MIPOL1: variants seen among roughly 807,000 people sequenced by gnomAD.
MIPOL1 encodes the protein mirror-image polydactyly 1, also known as mirror-image polydactyly gene 1 protein.
A neutral mutation model predicts 60.9 loss-of-function variants in MIPOL1; 57 were observed. The observed-to-expected ratio is 0.94, with a 90% CI of 0.76 to 1.17. The LOEUF is 1.17. Among genes scored for constraint, MIPOL1 ranks in the 50% most tolerant of loss-of-function variants. The pLI, the probability that MIPOL1 is intolerant of heterozygous loss-of-function variation, is 0.00. For synonymous variants in MIPOL1, 179 were observed against 168.8 expected (o/e 1.06, Z -0.47); for missense variants, 551 against 511.6 (o/e 1.08, Z -0.74).
At chr14:37,356,375 GC>G in intron 9 of MIPOL1, among the ~76,000 whole-genome samples, 1 of 152,104 alleles carries the variant, frequency 6.6e-6, no homozygotes, top group Non-Finnish European at 1.5e-5. Context: ...TCTGTGCCCT[GC>G]CCCCAGAGGT....
intron 4 of MIPOL1, among the ~76,000 whole-genome samples, chr14:37,267,856 G>T (rs943114814): frequency 1.3e-5 from 2 of 152,104 alleles, no homozygotes; most frequent in South Asian, 4.1e-4. Context: ...TTTTGGTTTG[G>T]GTTAGCGCTA....
At chr14:37,333,492 T>C (rs10137741) in intron 9 of MIPOL1, among the ~76,000 whole-genome samples, 113,724 of 151,938 alleles carry the variant, frequency 0.75, 42,843 homozygotes, top group East Asian at 0.86. Flanking sequence ...CTCAATTATA[T>C]ATATTGTCTG....
chr14:37,349,714 C>A (rs1280235086), intron 9 of MIPOL1, among the ~76,000 whole-genome samples: 1 of 152,118 alleles, frequency 6.6e-6, no homozygotes, highest in Non-Finnish European at 1.5e-5. Context: ...TGTTTTTCTT[C>A]AACATTTTTC....
At chr14:37,396,239 G>A (rs561727374) in intron 10 of MIPOL1, among the ~76,000 whole-genome samples, 1 of 152,022 alleles carries the variant, frequency 6.6e-6, no homozygotes, top group Non-Finnish European at 1.5e-5. Context: ...ATGATGTTTA[G>A]TTTTGCTGGA....
chr14:37,362,005 C>G (rs182960670), intron 9 of MIPOL1, among the ~76,000 whole-genome samples: 5 of 152,214 alleles, frequency 3.3e-5, no homozygotes, highest in African/African-American at 1.2e-4. Context: ...CTATGTGTGT[C>G]TCTGCATGTG....
intron 12 of MIPOL1, among the ~76,000 whole-genome samples, chr14:37,526,782 A>G (rs2095450444): frequency 6.6e-6 from 1 of 152,126 alleles, no homozygotes; most frequent in South Asian, 2.1e-4. Context: ...TGTAAGATAA[A>G]TTCCTAGAAA....
At chr14:37,499,564 T>TATTAC (rs1298092243) in intron 11 of MIPOL1, among the ~76,000 whole-genome samples, 3 of 152,208 alleles carry the variant, frequency 2.0e-5, no homozygotes, top group African/African-American at 7.2e-5. Flanking sequence ...TCTTTCAGCT[T>TATTAC]ATTACATTCT....
At chr14:37,319,049 C>T (rs1006464439) in intron 9 of MIPOL1, among the ~76,000 whole-genome samples, 3 of 151,998 alleles carry the variant, frequency 2.0e-5, no homozygotes, top group Non-Finnish European at 4.4e-5. Flanking sequence ...CCATGTTGCC[C>T]AGGCTGGTCT....
At chr14:37,446,135 C>A (rs938351514) in intron 11 of MIPOL1, among the ~76,000 whole-genome samples, 43 of 152,108 alleles carry the variant, frequency 2.8e-4, no homozygotes, top group African/African-American at 1.0e-3. Context: ...AGTGAACAGG[C>A]AACCTACAAA....
chr14:37,305,858 T>C (rs2086741206), intron 7 of MIPOL1, among the ~76,000 whole-genome samples: 1 of 151,878 alleles, frequency 6.6e-6, no homozygotes, highest in South Asian at 2.1e-4. Flanking sequence ...ATCCAAATGC[T>C]AAGTGGCTGA....
At chr14:37,204,544 G>C (rs1252543709) in intron 1 of MIPOL1, among the ~76,000 whole-genome samples, 2 of 152,052 alleles carry the variant, frequency 1.3e-5, no homozygotes, top group East Asian at 3.9e-4. Context: ...GGTTTTATAA[G>C]GGGAAACCCC....
intron 11 of MIPOL1, among the ~76,000 whole-genome samples, chr14:37,466,465 G>A (rs1039668440): frequency 4.6e-5 from 7 of 152,118 alleles, no homozygotes; most frequent in African/African-American, 1.4e-4. Context: ...TAACATATCA[G>A]TTTGATAACT....
intron 11 of MIPOL1, among the ~76,000 whole-genome samples, chr14:37,498,780 A>G (rs1393787013): frequency 6.6e-6 from 1 of 152,090 alleles, no homozygotes; most frequent in Non-Finnish European, 1.5e-5. Flanking sequence ...TTTCATATCC[A>G]TCCTAGTTCT....
At chr14:37,204,252 C>A (rs886136556) in intron 1 of MIPOL1, among the ~76,000 whole-genome samples, 5 of 152,104 alleles carry the variant, frequency 3.3e-5, no homozygotes, top group Non-Finnish European at 5.9e-5. Context: ...TGATTTTTAG[C>A]AACTGTGAGA....
intron 1 of MIPOL1, among the ~76,000 whole-genome samples, chr14:37,231,498 A>G (rs574514913): frequency 2.6e-5 from 4 of 152,186 alleles, no homozygotes; most frequent in Non-Finnish European, 5.9e-5. Flanking sequence ...ACTGATTTCT[A>G]TGGTGTGCTT....
chr14:37,250,630 AAAATC>A, intron 3 of MIPOL1, among the ~76,000 whole-genome samples: 1 of 152,162 alleles, frequency 6.6e-6, no homozygotes, highest in East Asian at 1.9e-4. Context: ...TTTAAACAGT[AAAATC>A]TCACATCGTC....
At chr14:37,268,864 C>A in intron 5 of MIPOL1, 71 bp downstream of exon 5, 1 of 1,229,862 alleles carries the variant, frequency 8.1e-7, no homozygotes, top group Non-Finnish European at 1.1e-6. Flanking sequence ...TCCTTTGTTG[C>A]CCATCATAAT....
chr14:37,548,575 T>C lies in MIPOL1; in HGVS notation c.*1604T>C, dbSNP rs2095554062. The C allele has an allele frequency of 6.6e-6, 1 of 151,984 alleles. No homozygotes were observed. Among genetic ancestry groups the C allele is most frequent in the Non-Finnish European group, 1.5e-5 (1 of 67,876 alleles). 9.4% of individuals were successfully genotyped at this position (151,984 alleles called of 1,614,324 possible). A position where few individuals can be genotyped will look rare whatever the true frequency, so the allele number is the denominator to read the frequency against. ...CATGCATGGAGTCTTGTCTCTGGGC[T>C]CTATTTGAAACGTGTAACAGCTCCC... On this transcript the variant is annotated 3_prime_UTR_variant, in exon 13 of 13. Coordinates refer to ENST00000684589, the MANE Select transcript of MIPOL1 (RefSeq NM_001388067.1).
intron 11 of MIPOL1, among the ~76,000 whole-genome samples, chr14:37,458,379 G>T (rs751441776): frequency 6.6e-6 from 1 of 152,092 alleles, no homozygotes; most frequent in Non-Finnish European, 1.5e-5. Flanking sequence ...TTTCTCATTT[G>T]TACATGGATC....
Sources: gnomAD v4.1 joint callset for allele counts (sites outside exome capture counted in the v4.1 genomes callset) on GRCh38, gnomAD v4.1.1 for gene constraint, MANE v1.5 for transcripts, NCBI Gene and HGNC (gene_info 2026-07-23, HGNC 2026-07-21) for gene names.